The following CRB1 variants were observed in gnomAD, a reference collection of about 807,000 sequenced individuals.
CRB1 encodes the protein crumbs cell polarity complex component 1, also known as protein crumbs homolog 1.
A neutral mutation model predicts 120.0 loss-of-function variants in CRB1; 83 were observed. The ratio of observed to expected loss-of-function variants is 0.69; its 90% CI spans 0.58 to 0.83. The LOEUF (loss-of-function observed/expected upper bound fraction) is 0.83, where lower values mean the gene tolerates loss of function less well. CRB1 is among the 40% of genes least tolerant of loss of function. The pLI is 0.00. For missense variants in CRB1, 1,699 were observed against 1,687.6 expected (o/e 1.01, Z -0.12); for synonymous variants, 625 against 612.5 (o/e 1.02, Z -0.30).
At chr1:197,282,794 G>A (rs1180846410) in intron 1 of CRB1, among the ~76,000 whole-genome samples, 2 of 151,680 alleles carry the variant, frequency 1.3e-5, no homozygotes, top group African/African-American at 4.8e-5. Flanking sequence ...TACTTCCTAA[G>A]GTCTAACCTC....
intron 1 of CRB1, 31 bp from the exon 2 acceptor site, chr1:197,328,391 T>C (rs1308712706): frequency 6.5e-7 from 1 of 1,547,514 alleles, no homozygotes; most frequent in Non-Finnish European, 8.9e-7. Flanking sequence ...CATTTATAAA[T>C]TTAATCTTGT....
the CRB1 span, among the ~76,000 whole-genome samples, chr1:197,206,166 C>T: frequency 6.6e-6 from 1 of 152,036 alleles, no homozygotes; most frequent in Non-Finnish European, 1.5e-5. Flanking sequence ...AACCTCCTCA[C>T]TAGTGGTCTA....
In CRB1 at chr1:197,445,872, A is replaced by G. The variant is rs143129753; in HGVS notation, c.4005+3580A>G. On this transcript the variant is annotated intron_variant, in intron 11 of 11. Transcript: ENST00000367400. The stretch of plus-strand genomic sequence containing the variant: ...TATGATTTAGACACAATGCTTGCTC[A>G]AAATAAGCTGAAGTTATGGTAAGGA... Among the ~76,000 whole-genome samples, 585 of 152,302 alleles carry G rather than the reference A, an allele frequency of 3.8e-3. 4 individuals are homozygous for G. The highest frequency in any genetic ancestry group is 4.6e-3 in the Non-Finnish European group (315 of 68,004).
At chr1:197,310,162 A>C (rs1406634570) in intron 1 of CRB1, among the ~76,000 whole-genome samples, 6 of 152,218 alleles carry the variant, frequency 3.9e-5, no homozygotes, top group Non-Finnish European at 8.8e-5. Flanking sequence ...AAGACACTAC[A>C]TTATTGAAAA....
chr1:197,302,982 T>C (rs765419628), intron 1 of CRB1, among the ~76,000 whole-genome samples: 10 of 152,202 alleles, frequency 6.6e-5, no homozygotes, highest in Non-Finnish European at 1.3e-4. Context: ...GTCTCATCTT[T>C]AATGAAGCTG....
At chr1:197,344,587 T>C in intron 3 of CRB1, 111 bp downstream of exon 3, 3 of 1,001,754 alleles carry the variant, frequency 3.0e-6, no homozygotes, top group Non-Finnish European at 1.6e-6. Context: ...ATTTGGGGTG[T>C]AACTTTATAC....
chr1:197,408,565 A>G (rs1350471207), intron 5 of CRB1, among the ~76,000 whole-genome samples: 1 of 152,198 alleles, frequency 6.6e-6, no homozygotes, highest in East Asian at 1.9e-4. Flanking sequence ...TTTGCAAAAA[A>G]TGACAAACAG....
intron 5 of CRB1, among the ~76,000 whole-genome samples, chr1:197,361,016 T>C (rs1269191966): frequency 1.3e-5 from 2 of 152,246 alleles, no homozygotes; most frequent in Admixed American, 1.3e-4. Flanking sequence ...TGATTTATCA[T>C]GTAAGTTTCT....
the CRB1 span, among the ~76,000 whole-genome samples, chr1:197,237,457 A>G: frequency 1.3e-5 from 2 of 152,176 alleles, no homozygotes; most frequent in Non-Finnish European, 2.9e-5. Flanking sequence ...TAAGATCACT[A>G]ATCCCATTCA....
intron 1 of CRB1, among the ~76,000 whole-genome samples, chr1:197,297,785 A>G (rs1022625929): frequency 6.6e-6 from 1 of 152,110 alleles, no homozygotes; most frequent in African/African-American, 2.4e-5. Flanking sequence ...TAGAACTTAG[A>G]GGGGAAAAGA....
chr1:197,473,551 A>G (rs1667071224), intron 11 of CRB1, among the ~76,000 whole-genome samples: 1 of 152,104 alleles, frequency 6.6e-6, no homozygotes, highest in South Asian at 2.1e-4. Flanking sequence ...AATCATACAT[A>G]CAATATACAT....
At position 197,268,282 on chromosome 1, in the gene CRB1, A is replaced by G. The variant is rs1654708813; in HGVS notation, c.-131A>G. The stretch of plus-strand genomic sequence containing the variant: ...CTGTATTTTCTGTGAAGGAGCTGTA[A>G]GTAGGGTGGGACAGAGATGGCACCT... On this transcript the variant is annotated 5_prime_UTR_variant, in exon 1 of 12. Coordinates refer to ENST00000367400, the MANE Select transcript of CRB1 (RefSeq NM_201253.3). 1.3e-6 allele frequency: 1 copy of G among 755,392 alleles called. No homozygotes were observed. The highest frequency in any genetic ancestry group is 2.5e-5 in the East Asian group (1 of 40,302). 46.8% of individuals were successfully genotyped at this position (755,392 alleles called of 1,614,324 possible).
intron 11 of CRB1, among the ~76,000 whole-genome samples, chr1:197,456,724 A>G (rs1420944116): frequency 6.6e-6 from 1 of 152,178 alleles, no homozygotes; most frequent in African/African-American, 2.4e-5. Context: ...TATATTGCTT[A>G]CCATGCCTAG....
Position 197,477,951 on chromosome 1 carries a change from C to A in CRB1, c.*72C>A. 1.5e-6 allele frequency: 2 copies of A among 1,378,142 alleles called. No homozygotes were observed. The highest frequency in any genetic ancestry group is 2.1e-6 in the Non-Finnish European group (2 of 965,896). 85.4% of individuals were successfully genotyped at this position (1,378,142 alleles called of 1,614,324 possible). ...ATGACTGTACTTCAGGTATCTCTGA[C>A]ATACCTGACAATGTTAATCTGCAAC... On this transcript the variant is annotated 3_prime_UTR_variant, in exon 12 of 12. Coordinates refer to ENST00000367400, the MANE Select transcript of CRB1 (RefSeq NM_201253.3).
chr1:197,434,681 GATT>G (rs1284530781), intron 8 of CRB1, 22 bp from the exon 9 acceptor site: 2 of 1,590,524 alleles, frequency 1.3e-6, no homozygotes, highest in African/African-American at 2.7e-5. Context: ...TAAAGTTATT[GATT>G]ATTATCACCT....
At chr1:197,364,235 A>G (rs1571400769) in intron 5 of CRB1, among the ~76,000 whole-genome samples, 1 of 152,214 alleles carries the variant, frequency 6.6e-6, no homozygotes, top group East Asian at 1.9e-4. Context: ...TAAACTCAAT[A>G]TGTTTGCAAA....
At chr1:197,339,286 A>C (rs1199739239) in intron 2 of CRB1, among the ~76,000 whole-genome samples, 1 of 152,194 alleles carries the variant, frequency 6.6e-6, no homozygotes, top group African/African-American at 2.4e-5. Context: ...CAGATTGACT[A>C]TAATATCTAG....
the CRB1 span, among the ~76,000 whole-genome samples, chr1:197,231,988 G>A: frequency 5.3e-5 from 8 of 152,152 alleles, no homozygotes; most frequent in African/African-American, 1.9e-4. Context: ...TCTGAGATGA[G>A]GAGATTATCC....
intron 5 of CRB1, among the ~76,000 whole-genome samples, chr1:197,359,412 G>A (rs1233077765): frequency 6.6e-6 from 1 of 151,288 alleles, no homozygotes; most frequent in Non-Finnish European, 1.5e-5. Flanking sequence ...TGTATCAATA[G>A]TTTGTTCCTT....
Sources: allele counts gnomAD v4.1 joint callset (sites outside exome capture counted in the v4.1 genomes callset), GRCh38; gene constraint gnomAD v4.1.1; transcripts MANE v1.5; gene names NCBI Gene and HGNC (gene_info 2026-07-23, HGNC 2026-07-21).